Variants in SLC2A12 observed in about 807,000 individuals in gnomAD.
SLC2A12 encodes solute carrier family 2 member 12, also known as solute carrier family 2, facilitated glucose transporter member 12.
In SLC2A12, 23 loss-of-function variants were observed where a neutral mutation model predicts 41.8. The ratio of observed to expected loss-of-function variants is 0.55; its 90% CI spans 0.40 to 0.78. SLC2A12 has a LOEUF of 0.78. SLC2A12 is among the 30% of genes least tolerant of loss of function. The pLI is 0.00. For missense variants in SLC2A12, 654 were observed against 745.6 expected, an observed-to-expected ratio of 0.88 and a Z score of 1.43; for synonymous variants, 295 against 285.9, an observed-to-expected ratio of 1.03 and a Z score of -0.32.
At chr6:134,039,132 A>G (rs1777346516) in intron 1 of SLC2A12, among the ~76,000 whole-genome samples, 1 of 152,026 alleles carries the variant, frequency 6.6e-6, no homozygotes, top group African/African-American at 2.4e-5. Context: ...ATTTTTGTCT[A>G]TTTGTTTAGA....
At chr6:134,024,544 T>G (rs1777088669) in intron 2 of SLC2A12, among the ~76,000 whole-genome samples, 1 of 152,216 alleles carries the variant, frequency 6.6e-6, no homozygotes, top group Non-Finnish European at 1.5e-5. Flanking sequence ...GCAGTCCTAA[T>G]TCCCTGCTGC....
At chr6:134,017,926 T>C (rs1024630454) in intron 2 of SLC2A12, among the ~76,000 whole-genome samples, 1 of 152,030 alleles carries the variant, frequency 6.6e-6, no homozygotes, top group African/African-American at 2.4e-5. Context: ...CCTTTCATCT[T>C]TCACCAAAGC....
rs769660025 is a variant in SLC2A12, at chr6:134,033,030, A to G, written c.104-3309T>C. ...AAAGTAATTTCCAAGGCCTTAGGAC[A>G]GGAAAGTTCTCATTATGTTTTAGGA... On this transcript the variant is annotated intron_variant, in intron 1 of 4. Coordinates refer to ENST00000275230, the MANE Select transcript of SLC2A12 (RefSeq NM_145176.3). 1.2e-4 allele frequency among the ~76,000 whole-genome samples: 18 copies of G among 151,950 alleles called. No homozygotes were observed. In the East Asian group the frequency reaches 1.4e-3, roughly 11 times the overall value.
At chr6:134,026,126 G>T (rs1012218878) in intron 2 of SLC2A12, among the ~76,000 whole-genome samples, 1 of 152,304 alleles carries the variant, frequency 6.6e-6, no homozygotes, top group East Asian at 1.9e-4. Context: ...TTCTGAATTA[G>T]AAAGAAGAGG....
Position 134,029,445 on chromosome 6 carries a change from C to A in SLC2A12, c.380G>T (p.Ser127Ile). ...CACTATAAGAACCGTGTAGGATAAA[C>A]TGAGGATCAAGACTAAGCTTCCGAG... ...LGLGSLVLIL[S>I]LSYTVLIVGR... Residue 127 changes from serine (S) to isoleucine (I), a missense_variant, in exon 2 of 5, where the codon AGT becomes ATT. This residue lies in a region of SLC2A12 where 411 missense variants were observed against 412.1 expected (regional missense o/e 1.00). Transcript: ENST00000275230. The A allele has an allele frequency of 6.2e-7, 1 of 1,614,108 alleles. No individual in the cohort carries two copies. The highest frequency in any genetic ancestry group is 8.5e-7 in the Non-Finnish European group (1 of 1,180,024).
rs6903958 is a variant in SLC2A12, at chr6:134,032,430, A to T, written c.104-2709T>A. ...AATATATATATATATATATATTTAT[A>T]TATATATATATATATATAAATATAT... On this transcript the variant is annotated intron_variant, in intron 1 of 4. Coordinates refer to ENST00000275230, the MANE Select transcript of SLC2A12 (RefSeq NM_145176.3). 4.3e-3 allele frequency among the ~76,000 whole-genome samples: 167 copies of T among 39,190 alleles called. 2 individuals are homozygous for T. Among genetic ancestry groups the T allele is most frequent in the African/African-American group, 0.015 (160 of 10,472 alleles). 25.7% of individuals were successfully genotyped at this position (39,190 alleles called of 152,430 possible). A position where few individuals can be genotyped will look rare whatever the true frequency, so the allele number is the denominator to read the frequency against.
intron 1 of SLC2A12, among the ~76,000 whole-genome samples, chr6:134,032,873 A>G (rs531379135): frequency 7.0e-6 from 1 of 142,706 alleles, no homozygotes; most frequent in African/African-American, 2.6e-5. Flanking sequence ...TATATTACAT[A>G]TATTATATAT....
chr6:133,997,942 TA>T (rs1476787278), intron 4 of SLC2A12, among the ~76,000 whole-genome samples: 7 of 152,242 alleles, frequency 4.6e-5, no homozygotes, highest in Non-Finnish European at 1.0e-4. Context: ...TCATCTTTCA[TA>T]ATTGCCTTTA....
chr6:134,033,294 G>T (rs985212275), intron 1 of SLC2A12, among the ~76,000 whole-genome samples: 1 of 151,862 alleles, frequency 6.6e-6, no homozygotes, highest in Non-Finnish European at 1.5e-5. Context: ...GACTTTTTTG[G>T]CATGCAAAAT....
chr6:134,036,572 G>A (rs1313172625), intron 1 of SLC2A12, among the ~76,000 whole-genome samples: 2 of 152,146 alleles, frequency 1.3e-5, no homozygotes, highest in East Asian at 3.9e-4. Context: ...GCCTTTCTGA[G>A]ACCTGTCCTT....
intron 4 of SLC2A12, among the ~76,000 whole-genome samples, chr6:133,994,835 A>G (rs1776667294): frequency 6.6e-6 from 1 of 152,218 alleles, no homozygotes; most frequent in African/African-American, 2.4e-5. Flanking sequence ...GAGAGGAAGC[A>G]GAGGAATAGA....
At position 133,989,602 on chromosome 6, in the gene SLC2A12, T is replaced by G. The variant is rs1776591337; in HGVS notation, c.*1553A>C. 1 of 152,294 alleles carries G rather than the reference T, an allele frequency of 6.6e-6. No individual in the cohort carries two copies. Among genetic ancestry groups the G allele is most frequent in the South Asian group, 2.1e-4 (1 of 4,826 alleles). The allele number at this position is 152,294 out of a possible 1,614,324, so 9.4% of individuals were successfully genotyped here. A position where few individuals can be genotyped will look rare whatever the true frequency, so the allele number is the denominator to read the frequency against. The stretch of plus-strand genomic sequence containing the variant: ...AATACACCATGATAGAATTGAGATC[T>G]CCAATCTCCTTTCCTTTTAGCTTCC... On this transcript the variant is annotated 3_prime_UTR_variant, in exon 5 of 5. Coordinates refer to ENST00000275230, the MANE Select transcript of SLC2A12 (RefSeq NM_145176.3).
chr6:133,997,672 A>G (rs922475115), intron 4 of SLC2A12, among the ~76,000 whole-genome samples: 2 of 152,184 alleles, frequency 1.3e-5, no homozygotes, highest in African/African-American at 4.8e-5. Flanking sequence ...GAGGTGGGCA[A>G]GGGCTAGAAA....
intron 1 of SLC2A12, among the ~76,000 whole-genome samples, chr6:134,034,015 C>A (rs914004187): frequency 5.3e-5 from 8 of 152,128 alleles, no homozygotes; most frequent in African/African-American, 1.7e-4. Flanking sequence ...TGCAAAGGGT[C>A]TGGAAGCCAT....
At chr6:134,047,815 G>A (rs965652) in intron 1 of SLC2A12, among the ~76,000 whole-genome samples, 63,129 of 152,144 alleles carry the variant, frequency 0.41, 13,643 homozygotes, top group South Asian at 0.59. Flanking sequence ...GCATGCTGGT[G>A]TGCACCAGCT....
intron 2 of SLC2A12, among the ~76,000 whole-genome samples, chr6:134,023,328 C>A (rs1331471823): frequency 6.6e-6 from 1 of 152,122 alleles, no homozygotes; most frequent in Admixed American, 6.5e-5. Flanking sequence ...AAAGCAACAG[C>A]CGTTGTGATG....
At position 134,000,984 on chromosome 6, in the gene SLC2A12, TG is replaced by T. The variant is rs1189342326; in HGVS notation, c.1700+1012del. 5.9e-5 allele frequency among the ~76,000 whole-genome samples: 9 copies of T among 152,272 alleles called. No individual in the cohort carries two copies. The South Asian group carries it at 1.7e-3, about 28-fold the overall frequency. The stretch of plus-strand genomic sequence containing the variant: ...CTAAGTCTGATAGAGATGGAAAGGC[TG>T]AGACCCAAGTTCCTAGCCCAGTGTG... On this transcript the variant is annotated intron_variant, in intron 4 of 4. Coordinates refer to ENST00000275230, the MANE Select transcript of SLC2A12 (RefSeq NM_145176.3).
chr6:134,008,444 G>C (rs1465943402), intron 2 of SLC2A12, among the ~76,000 whole-genome samples: 1 of 152,124 alleles, frequency 6.6e-6, no homozygotes. Flanking sequence ...AATTATTATT[G>C]TTGTTCTTAT....
chr6:134,014,825 G>A (rs1022941324), intron 2 of SLC2A12, among the ~76,000 whole-genome samples: 2 of 152,202 alleles, frequency 1.3e-5, no homozygotes, highest in East Asian at 3.9e-4. Flanking sequence ...CATGGTGACA[G>A]GACTGATGGT....
Sources: allele counts gnomAD v4.1 joint callset (sites outside exome capture counted in the v4.1 genomes callset), GRCh38; gene constraint gnomAD v4.1.1; regional missense constraint gnomAD v4.1.1; transcripts MANE v1.5; gene names NCBI Gene and HGNC (gene_info 2026-07-23, HGNC 2026-07-21).